The following SLC39A12 variants were observed in gnomAD, a reference collection of about 807,000 sequenced individuals.
SLC39A12 encodes the protein zinc transporter ZIP12.
Under a neutral mutation model 71.1 loss-of-function variants are expected in SLC39A12, and 63 were observed. That is an observed-to-expected ratio of 0.89 (90% CI 0.72 to 1.09). The LOEUF is 1.09. Ranked by LOEUF, SLC39A12 falls within the 50% of genes least tolerant of loss-of-function variation. The pLI, the probability that SLC39A12 is intolerant of heterozygous loss-of-function variation, is 0.00. For missense variants in SLC39A12, 892 were observed against 812.6 expected, an observed-to-expected ratio of 1.10 and a Z score of -1.19; for synonymous variants, 351 against 301.3, an observed-to-expected ratio of 1.16 and a Z score of -1.71.
At chr10:17,993,738 A>T (rs2497755) in intron 9 of SLC39A12, among the ~76,000 whole-genome samples, 139,694 of 152,298 alleles carry the variant, frequency 0.92, 64,234 homozygotes, top group African/African-American at 0.98. Context: ...TCCAATGAGA[A>T]GTTTCATAGT....
rs1834412097 is a variant in SLC39A12, at chr10:17,951,998, T to A, written c.-114T>A. ...ATTTAAAAGGCTGTGGAGCTCCAGA[T>A]AAAGAATCGTTTATCTTTCTTCTGA... On this transcript the variant is annotated 5_prime_UTR_variant, in exon 1 of 13. Coordinates refer to ENST00000377369, the MANE Select transcript of SLC39A12 (RefSeq NM_001145195.2). The A allele has an allele frequency of 1.3e-5, 2 of 152,212 alleles. No homozygotes were observed. Among genetic ancestry groups the A allele is most frequent in the Admixed American group, 1.3e-4 (2 of 15,286 alleles). The allele number at this position is 152,212 out of a possible 1,614,324, so 9.4% of individuals were successfully genotyped here.
At position 17,996,546 on chromosome 10, in the gene SLC39A12, C is replaced by T. The variant is rs145541343; in HGVS notation, c.1600+824C>T. 2.9e-3 allele frequency among the ~76,000 whole-genome samples: 438 copies of T among 152,288 alleles called. 2 individuals are homozygous for T. Among genetic ancestry groups the T allele is most frequent in the Non-Finnish European group, 5.3e-3 (359 of 68,020 alleles). ...TTGAACACTTCTTGTATGCTAGGCA[C>T]AGGGCTACACAGTTGGTGTGATCTC... On this transcript the variant is annotated intron_variant, in intron 10 of 12. Transcript: ENST00000377369.
At chr10:18,025,545 C>A (rs1217773766) in intron 12 of SLC39A12, among the ~76,000 whole-genome samples, 1 of 152,152 alleles carries the variant, frequency 6.6e-6, no homozygotes, top group Non-Finnish European at 1.5e-5. Context: ...CATCCATGTC[C>A]CTACAAAGGA....
intron 3 of SLC39A12, among the ~76,000 whole-genome samples, chr10:17,963,698 A>G (rs1224074407): frequency 6.6e-6 from 1 of 152,138 alleles, no homozygotes; most frequent in African/African-American, 2.4e-5. Flanking sequence ...TCACCACATC[A>G]GCTGTTCTTT....
At chr10:18,039,783 C>G (rs550058639) in intron 12 of SLC39A12, among the ~76,000 whole-genome samples, 2 of 152,280 alleles carry the variant, frequency 1.3e-5, no homozygotes, top group Non-Finnish European at 2.9e-5. Flanking sequence ...GTTAATCCCT[C>G]AAGAGTACCA....
intron 12 of SLC39A12, among the ~76,000 whole-genome samples, chr10:18,020,002 T>G (rs979244913): frequency 1.3e-5 from 2 of 152,062 alleles, no homozygotes; most frequent in African/African-American, 4.8e-5. Flanking sequence ...CTTCCAATTT[T>G]TTTTTAGGTT....
chr10:17,997,537 G>T (rs1025112969), intron 10 of SLC39A12, among the ~76,000 whole-genome samples: 1 of 152,066 alleles, frequency 6.6e-6, no homozygotes, highest in Admixed American at 6.6e-5. Context: ...GACATGCCCA[G>T]TCAAATCAGG....
At chr10:18,016,924 A>G (rs922850040) in intron 12 of SLC39A12, among the ~76,000 whole-genome samples, 7 of 152,092 alleles carry the variant, frequency 4.6e-5, no homozygotes, top group Non-Finnish European at 1.0e-4. Flanking sequence ...TTCCTTGTCT[A>G]TTTTGGATAC....
At chr10:17,984,931 T>A (rs1835362344) in intron 6 of SLC39A12, among the ~76,000 whole-genome samples, 2 of 152,230 alleles carry the variant, frequency 1.3e-5, no homozygotes, top group African/African-American at 4.8e-5. Flanking sequence ...GTTTTTTGCC[T>A]CTTCTGAGTA....
chr10:17,955,143 T>C (rs1834508474), intron 2 of SLC39A12, among the ~76,000 whole-genome samples: 1 of 151,500 alleles, frequency 6.6e-6, no homozygotes, highest in South Asian at 2.1e-4. Flanking sequence ...GCTGGTTGAA[T>C]AGTAGTTTTG....
chr10:18,041,544 A>T (rs1218732153), intron 12 of SLC39A12, among the ~76,000 whole-genome samples: 3 of 143,176 alleles, frequency 2.1e-5, no homozygotes, highest in African/African-American at 7.7e-5. Flanking sequence ...ATACACACAC[A>T]CACACACACA....
chr10:17,976,564 C>G (rs1483853892), intron 4 of SLC39A12, among the ~76,000 whole-genome samples: 2 of 152,000 alleles, frequency 1.3e-5, no homozygotes, highest in Non-Finnish European at 2.9e-5. Context: ...ATTACAGGTG[C>G]CTGCCACCAC....
chr10:18,038,099 T>TAAA (rs141397286), intron 12 of SLC39A12, among the ~76,000 whole-genome samples: 5 of 139,574 alleles, frequency 3.6e-5, no homozygotes, highest in East Asian at 2.1e-4. Flanking sequence ...TTATTTCGAT[T>TAAA]AAAAAAAAAT....
chr10:18,000,901 G>T, intron 11 of SLC39A12, 76 bp downstream of exon 11: 1 of 1,389,806 alleles, frequency 7.2e-7, no homozygotes, highest in South Asian at 1.4e-5. Context: ...GGTTTACTAG[G>T]ATTCTTTTTC....
At chr10:17,984,950 ACT>A (rs1835362984) in intron 6 of SLC39A12, among the ~76,000 whole-genome samples, 1 of 152,140 alleles carries the variant, frequency 6.6e-6, no homozygotes, top group African/African-American at 2.4e-5. Flanking sequence ...TATACTGCCA[ACT>A]CTATTTTAAT....
chr10:17,954,285 G>A (rs958233381), intron 2 of SLC39A12, among the ~76,000 whole-genome samples: 2 of 152,072 alleles, frequency 1.3e-5, no homozygotes, highest in South Asian at 2.1e-4. Context: ...ACAGAGTCTC[G>A]CCCTGTTGCC....
At chr10:17,995,790 A>G (rs560789141) in intron 10 of SLC39A12, 68 bp downstream of exon 10, 2 of 1,388,064 alleles carry the variant, frequency 1.4e-6, no homozygotes, top group African/African-American at 2.9e-5. Context: ...GTTTTAAAAT[A>G]AAATGTCAAA....
chr10:17,981,255 G>T, intron 5 of SLC39A12, 57 bp from the exon 6 acceptor site: 1 of 1,464,684 alleles, frequency 6.8e-7, no homozygotes, highest in South Asian at 1.4e-5. Context: ...ACAACTGGTG[G>T]AGAATCTAGT....
intron 6 of SLC39A12, among the ~76,000 whole-genome samples, chr10:17,982,271 A>T (rs1188274575): frequency 6.6e-6 from 1 of 152,184 alleles, no homozygotes; most frequent in African/African-American, 2.4e-5. Context: ...AAGCCCTTGA[A>T]CTGTAAGGTT....
Sources: gnomAD v4.1 joint callset for allele counts (sites outside exome capture counted in the v4.1 genomes callset) on GRCh38, gnomAD v4.1.1 for gene constraint, MANE v1.5 for transcripts, NCBI Gene and HGNC (gene_info 2026-07-23, HGNC 2026-07-21) for gene names.